The following CHP1 variants were observed in gnomAD, a reference collection of about 807,000 sequenced individuals.
CHP1 encodes calcineurin like EF-hand protein 1, also known as calcineurin B homologous protein 1.
A neutral mutation model predicts 27.4 loss-of-function variants in CHP1; 11 were observed. The observed-to-expected ratio is 0.40, with a 90% confidence interval of 0.25 to 0.67. The LOEUF is 0.67. Among genes scored for constraint, CHP1 ranks in the 30% least tolerant of loss-of-function variants. The probability of loss-of-function intolerance (pLI) is 0.38; values close to 1 mark genes in which losing one functional copy is unlikely to be tolerated. For missense variants in CHP1, 169 were observed against 251.3 expected (o/e 0.67, Z 2.22); for synonymous variants, 89 against 87.4 (o/e 1.02, Z -0.10).
rs142744088 is a variant in CHP1, at chr15:41,271,083, G to C, written c.411+465G>C. Among the ~76,000 whole-genome samples, 735 of 152,064 alleles carry C rather than the reference G, an allele frequency of 4.8e-3. 9 individuals carry two copies. The highest frequency in any genetic ancestry group is 0.017 in the African/African-American group (710 of 41,464). ...ATCCTGGCTAACATGGTGAAACCCT[G>C]TCTCTACTAAAAATACAAAAAATTA... On this transcript the variant is annotated intron_variant, in intron 5 of 6. Transcript: ENST00000334660.
intron 2 of CHP1, among the ~76,000 whole-genome samples, chr15:41,249,248 C>T (rs1237075419): frequency 3.3e-5 from 5 of 152,022 alleles, no homozygotes; most frequent in Non-Finnish European, 5.9e-5. Flanking sequence ...GGCACCATCA[C>T]GGCTCACTGT....
chr15:41,245,004 A>G (rs1595472683), intron 2 of CHP1, among the ~76,000 whole-genome samples: 1 of 152,094 alleles, frequency 6.6e-6, no homozygotes, highest in African/African-American at 2.4e-5. Flanking sequence ...TTTGGACGTA[A>G]TCATCACCCC....
chr15:41,272,822 G>A (rs1462272827), intron 5 of CHP1, among the ~76,000 whole-genome samples: 1 of 152,262 alleles, frequency 6.6e-6, no homozygotes, highest in East Asian at 1.9e-4. Flanking sequence ...GCCGAGGCAG[G>A]TGGATCCCGA....
chr15:41,234,275 G>C (rs529077042), intron 1 of CHP1: 34 of 152,252 alleles, frequency 2.2e-4, no homozygotes, highest in African/African-American at 7.9e-4. Flanking sequence ...TTTTTTCAAG[G>C]AGTAATTTGG....
intron 6 of CHP1, 32 bp downstream of exon 6, chr15:41,278,921 AC>A (rs759342886): frequency 5.7e-5 from 92 of 1,612,856 alleles, no homozygotes; most frequent in Non-Finnish European, 7.5e-5. Context: ...TGAAAAAGTT[AC>A]GTTTTAGTGG....
At chr15:41,231,572 G>C (rs1414608692) in intron 1 of CHP1, 123 bp downstream of exon 1, 1 of 885,736 alleles carries the variant, frequency 1.1e-6, no homozygotes, top group Non-Finnish European at 1.8e-6. Flanking sequence ...GCAGCCTCCA[G>C]GTTTGGGGAC....
In CHP1 at chr15:41,231,426, A is replaced by G; in HGVS notation, c.44A>G (p.Glu15Gly). ...ACGTTACTGCGGGACGAAGAGCTCG[A>G]GGAGATCAAGAAGGAGACCGGCTGT... Reference protein sequence around the residue: ...ASTLLRDEELEEIKKETGFSH... With the variant: ...ASTLLRDEELGEIKKETGFSH... The change falls in exon 1 of 7, where the codon GAG becomes GGG. Residue 15 changes from glutamate to glycine, a missense_variant. By Grantham distance (98) the Glu-to-Gly change is moderately conservative. Transcript: ENST00000334660. 1 of 1,604,454 alleles carries G rather than the reference A, an allele frequency of 6.2e-7. No individual in the cohort carries two copies. Among genetic ancestry groups the G allele is most frequent in the Non-Finnish European group, 8.5e-7 (1 of 1,176,638 alleles).
intron 4 of CHP1, among the ~76,000 whole-genome samples, chr15:41,263,748 AC>A (rs2047444818): frequency 6.6e-6 from 1 of 152,030 alleles, no homozygotes; most frequent in Non-Finnish European, 1.5e-5. Context: ...GGTGGCAGGC[AC>A]CTGTGCTCCC....
chr15:41,277,299 G>A (rs2047523927), intron 5 of CHP1, among the ~76,000 whole-genome samples: 1 of 152,192 alleles, frequency 6.6e-6, no homozygotes, highest in Admixed American at 6.5e-5. Context: ...GCAAGTTACT[G>A]TTCTGACTAC....
intron 2 of CHP1, among the ~76,000 whole-genome samples, chr15:41,253,021 C>T (rs1370929951): frequency 7.0e-6 from 1 of 142,662 alleles, no homozygotes; most frequent in Non-Finnish European, 1.5e-5. Context: ...TCACTGCAAC[C>T]TCCACCTCCC....
At chr15:41,253,375 C>T (rs1012871160) in intron 2 of CHP1, among the ~76,000 whole-genome samples, 15 of 151,966 alleles carry the variant, frequency 9.9e-5, no homozygotes, top group African/African-American at 3.6e-4. Context: ...TATAAAGCAA[C>T]CAGTAATAAT....
At chr15:41,245,106 A>G (rs2047327447) in intron 2 of CHP1, among the ~76,000 whole-genome samples, 2 of 152,142 alleles carry the variant, frequency 1.3e-5, no homozygotes, top group South Asian at 4.1e-4. Context: ...GCAACCATAA[A>G]TCTACCTTCT....
intron 1 of CHP1, 53 bp from the exon 2 acceptor site, chr15:41,243,614 A>G (rs1287936320): frequency 1.4e-6 from 2 of 1,457,564 alleles, no homozygotes; most frequent in African/African-American, 2.8e-5. Flanking sequence ...GGGTGGGTTC[A>G]GTGTGAATGA....
intron 5 of CHP1, among the ~76,000 whole-genome samples, chr15:41,274,731 A>T (rs944779751): frequency 6.6e-6 from 1 of 151,770 alleles, no homozygotes. Flanking sequence ...CTGCTTGGCA[A>T]CACACAGGGA....
chr15:41,256,560 G>C (rs1342521313), intron 2 of CHP1: 4 of 261,104 alleles, frequency 1.5e-5, no homozygotes, highest in Non-Finnish European at 3.0e-5. Context: ...TCCATTTGCT[G>C]TTCACTTTCC....
At chr15:41,237,127 G>A (rs2047281314) in intron 1 of CHP1, among the ~76,000 whole-genome samples, 2 of 147,294 alleles carry the variant, frequency 1.4e-5, no homozygotes, top group Non-Finnish European at 3.0e-5. Flanking sequence ...CACCGCACCT[G>A]GCCCCTTTTT....
chr15:41,260,728 T>G (rs2047428622), intron 3 of CHP1, among the ~76,000 whole-genome samples: 1 of 151,728 alleles, frequency 6.6e-6, no homozygotes, highest in Non-Finnish European at 1.5e-5. Flanking sequence ...TATCCAATTA[T>G]GAGGGAATAA....
intron 1 of CHP1, 123 bp downstream of exon 1, chr15:41,231,572 G>A: frequency 1.1e-6 from 1 of 885,854 alleles, no homozygotes; most frequent in East Asian, 2.6e-5. Flanking sequence ...GCAGCCTCCA[G>A]GTTTGGGGAC....
intron 3 of CHP1, among the ~76,000 whole-genome samples, chr15:41,262,373 G>T (rs1440474775): frequency 4.6e-5 from 7 of 152,086 alleles, no homozygotes; most frequent in Non-Finnish European, 1.0e-4. Context: ...AGGAGTCATT[G>T]GGCTGCCTGT....
Sources: gnomAD v4.1 joint callset for allele counts (sites outside exome capture counted in the v4.1 genomes callset) on GRCh38, gnomAD v4.1.1 for gene constraint, MANE v1.5 for transcripts, NCBI Gene and HGNC (gene_info 2026-07-23, HGNC 2026-07-21) for gene names.